ANK3: variants seen among roughly 807,000 people sequenced by gnomAD.
ANK3 encodes ankyrin 3, also known as ankyrin-3.
ANK3 carries 57 observed loss-of-function variants against 370.9 expected under a neutral mutation model. That is an observed-to-expected ratio of 0.15 (90% CI 0.12 to 0.19). The LOEUF is 0.19. ANK3 is among the 10% of genes least tolerant of loss of function. The pLI is 1.00. For missense variants in ANK3, 4,439 were observed against 5,302.1 expected (o/e 0.84, Z 5.06); for synonymous variants, 1,929 against 1,946.3 (o/e 0.99, Z 0.23).
intron 16 of ANK3, among the ~76,000 whole-genome samples, chr10:60,192,925 G>A (rs559826501): frequency 1.7e-3 from 257 of 151,276 alleles, no homozygotes; most frequent in African/African-American, 5.9e-3. Flanking sequence ...TGTGCCATGA[G>A]AAAATGGAGG....
Position 60,404,570 on chromosome 10 carries a change from A to C in ANK3, c.97-124931T>G, listed in dbSNP as rs566366152. 2.5e-4 allele frequency among the ~76,000 whole-genome samples: 38 copies of C among 152,324 alleles called. No homozygotes were observed. In the South Asian group the frequency reaches 7.0e-3, roughly 28 times the overall value. ...ACTCCTACTTTACACACTACAAGTAATCCAAGAAAAATCATACATCTAGAC... is the reference window on the plus strand; with the variant it reads ...ACTCCTACTTTACACACTACAAGTACTCCAAGAAAAATCATACATCTAGAC... On this transcript the variant is annotated intron_variant, in intron 2 of 43. Transcript: ENST00000373827.
At chr10:60,677,744 C>T (rs75657648) in intron 1 of ANK3, among the ~76,000 whole-genome samples, 1 of 150,726 alleles carries the variant, frequency 6.6e-6, no homozygotes, top group South Asian at 2.1e-4. Flanking sequence ...CACAACCTCA[C>T]CTCGAGACTG....
chr10:60,506,433 AG>A (rs1259507116), intron 2 of ANK3, among the ~76,000 whole-genome samples: 1 of 152,098 alleles, frequency 6.6e-6, no homozygotes, highest in Non-Finnish European at 1.5e-5. Context: ...ATCTTTCCAA[AG>A]TTTGGGGACT....
At chr10:60,419,849 T>G (rs1040751829) in intron 2 of ANK3, among the ~76,000 whole-genome samples, 1 of 152,130 alleles carries the variant, frequency 6.6e-6, no homozygotes, top group Admixed American at 6.6e-5. Context: ...TCATCTGTGG[T>G]AGTCATTTTT....
At chr10:60,241,473 A>C (rs1464820793) in intron 7 of ANK3, among the ~76,000 whole-genome samples, 3 of 152,148 alleles carry the variant, frequency 2.0e-5, no homozygotes, top group Non-Finnish European at 4.4e-5. Context: ...CATTCAGTCT[A>C]ATCACCTATA....
At chr10:60,034,670 G>T (rs1441008653) in intron 43 of ANK3, among the ~76,000 whole-genome samples, 2 of 151,984 alleles carry the variant, frequency 1.3e-5, no homozygotes, top group Non-Finnish European at 2.9e-5. Context: ...CACCTTTGTA[G>T]TTCAACTCTT....
At chr10:60,496,286 A>C (rs1365002900) in intron 2 of ANK3, among the ~76,000 whole-genome samples, 5 of 152,182 alleles carry the variant, frequency 3.3e-5, no homozygotes, top group Non-Finnish European at 5.9e-5. Flanking sequence ...GGCATAATAA[A>C]AATGTCCTTA....
chr10:60,202,928 A>G, intron 12 of ANK3, 74 bp downstream of exon 12: 1 of 1,035,860 alleles, frequency 9.7e-7, no homozygotes, highest in Non-Finnish European at 1.4e-6. Context: ...AAAAATAAAA[A>G]AAGTAGATAA....
intron 2 of ANK3, among the ~76,000 whole-genome samples, chr10:60,554,739 A>G (rs1371542415): frequency 1.3e-5 from 2 of 152,154 alleles, no homozygotes; most frequent in African/African-American, 4.8e-5. Context: ...ACAACCTAAA[A>G]ACAAATTTAA....
rs901255300 is a variant in ANK3, at chr10:60,027,865, A to G, written c.*1981T>C. The G allele has an allele frequency of 2.0e-5, 3 of 152,172 alleles. No homozygotes were observed. The highest frequency in any genetic ancestry group is 7.2e-5 in the African/African-American group (3 of 41,446). 9.4% of individuals were successfully genotyped at this position (152,172 alleles called of 1,614,324 possible). Reference sequence around the variant, plus strand: ...TAAGAAATGAGGCTGTGGCAGTGATACCTGTAGACCCCACACCTGGCTGGA... The same window carrying G: ...TAAGAAATGAGGCTGTGGCAGTGATGCCTGTAGACCCCACACCTGGCTGGA... On this transcript the variant is annotated 3_prime_UTR_variant, in exon 44 of 44. Transcript: ENST00000280772.
chr10:60,272,903 T>C (rs953338404), intron 4 of ANK3, among the ~76,000 whole-genome samples: 1 of 152,194 alleles, frequency 6.6e-6, no homozygotes, highest in Non-Finnish European at 1.5e-5. Flanking sequence ...TGGCCCAAGA[T>C]TGCCTAAGAA....
intron 23 of ANK3, among the ~76,000 whole-genome samples, chr10:60,149,545 A>C (rs911664530): frequency 6.6e-6 from 1 of 152,210 alleles, no homozygotes; most frequent in Non-Finnish European, 1.5e-5. Flanking sequence ...AATATTTCAC[A>C]GGCTGCTCTA....
chr10:60,703,216 A>G (rs2079568433), intron 1 of ANK3, among the ~76,000 whole-genome samples: 3 of 152,234 alleles, frequency 2.0e-5, no homozygotes, highest in South Asian at 2.1e-4. Context: ...AATGGATTGG[A>G]AAAATATTGA....
At chr10:60,612,643 C>A (rs182986971) in intron 2 of ANK3, among the ~76,000 whole-genome samples, 1 of 152,174 alleles carries the variant, frequency 6.6e-6, no homozygotes, top group Non-Finnish European at 1.5e-5. Context: ...AGGCGCTTGC[C>A]ACCATGCCCG....
chr10:60,092,289 T>A (rs80263212), intron 28 of ANK3, among the ~76,000 whole-genome samples: 3,816 of 152,274 alleles, frequency 0.025, 83 homozygotes, highest in Non-Finnish European at 0.039. Context: ...CTCCGATACA[T>A]ACTGCACAGG....
At chr10:60,232,791 G>A (rs2132530800) in intron 8 of ANK3, among the ~76,000 whole-genome samples, 1 of 152,260 alleles carries the variant, frequency 6.6e-6, no homozygotes, top group South Asian at 2.1e-4. Context: ...GTGTTGTGGT[G>A]TCTTGCTCTG....
At chr10:60,187,357 G>T (rs1182161849) in intron 16 of ANK3, among the ~76,000 whole-genome samples, 2 of 151,858 alleles carry the variant, frequency 1.3e-5, no homozygotes, top group Non-Finnish European at 2.9e-5. Context: ...GGGTTTCACG[G>T]TGTTAGCCAG....
At chr10:60,146,154 C>G (rs934657121) in intron 23 of ANK3, 5 of 1,290,096 alleles carry the variant, frequency 3.9e-6, no homozygotes, top group East Asian at 2.6e-5. Context: ...CATGTAGATA[C>G]GAAGATGTGT....
At chr10:60,623,906 G>A (rs2078373249) in intron 1 of ANK3, among the ~76,000 whole-genome samples, 1 of 152,134 alleles carries the variant, frequency 6.6e-6, no homozygotes, top group South Asian at 2.1e-4. Context: ...ATGGTATCAG[G>A]AGCAATCAAC....
Sources: gnomAD v4.1 joint callset for allele counts (sites outside exome capture counted in the v4.1 genomes callset) on GRCh38, gnomAD v4.1.1 for gene constraint, MANE v1.5 for transcripts, NCBI Gene and HGNC (gene_info 2026-07-23, HGNC 2026-07-21) for gene names.